Variants in CPT1A observed in about 807,000 individuals in gnomAD.
CPT1A encodes the protein carnitine O-palmitoyltransferase 1, liver isoform.
A neutral mutation model predicts 100.8 loss-of-function variants in CPT1A; 64 were observed. The ratio of observed to expected loss-of-function variants is 0.63; its 90% CI spans 0.52 to 0.78. The LOEUF (loss-of-function observed/expected upper bound fraction) is 0.78, where lower values mean the gene tolerates loss of function less well. Among genes scored for constraint, CPT1A ranks in the 30% least tolerant of loss-of-function variants. The probability of loss-of-function intolerance (pLI) is 0.00; values close to 1 mark genes in which losing one functional copy is unlikely to be tolerated. For missense variants in CPT1A, 802 were observed against 1,034.1 expected (o/e 0.78, Z 3.08); for synonymous variants, 363 against 396.0 (o/e 0.92, Z 0.99).
chr11:68,788,219 A>G (rs911887458), intron 9 of CPT1A, among the ~76,000 whole-genome samples: 3 of 152,186 alleles, frequency 2.0e-5, no homozygotes, highest in African/African-American at 7.2e-5. Flanking sequence ...ACAAAACAAT[A>G]AAAGTGCTTA....
chr11:68,807,227 G>A (rs1425081387), intron 4 of CPT1A, among the ~76,000 whole-genome samples: 3 of 152,028 alleles, frequency 2.0e-5, no homozygotes, highest in African/African-American at 7.2e-5. Context: ...ACTACAAACC[G>A]AGCAGACCTC....
chr11:68,820,278 C>T (rs1366149586), intron 1 of CPT1A, among the ~76,000 whole-genome samples: 1 of 152,094 alleles, frequency 6.6e-6, no homozygotes, highest in Non-Finnish European at 1.5e-5. Flanking sequence ...GTGATCCACC[C>T]ATCTCAGCCT....
chr11:68,804,030 C>T lies in CPT1A; in HGVS notation c.525G>A (p.Pro175=), dbSNP rs371805329. 5.2e-5 allele frequency: 84 copies of T among 1,613,930 alleles called. No homozygotes were observed. Among genetic ancestry groups the T allele is most frequent in the East Asian group, 4.7e-4 (21 of 44,882 alleles). The change falls in exon 5 of 19, where the codon CCG becomes CCA. Residue 175 remains proline (P), a synonymous_variant. Coordinates refer to ENST00000265641, the MANE Select transcript of CPT1A (RefSeq NM_001876.4). ...TCACAGTGTCTTTGACAGCCGGGAC[C>T]GGCAGGCGAGGCAGCGATGTCTGGA... is the stretch of plus-strand genomic sequence containing the variant. ...YSFQTSLPRL[P]VPAVKDTVNR...
At chr11:68,804,968 G>A (rs542058119) in intron 4 of CPT1A, among the ~76,000 whole-genome samples, 100 of 152,198 alleles carry the variant, frequency 6.6e-4, no homozygotes, top group Admixed American at 7.9e-4. Context: ...GGGCCCAGGC[G>A]GGGAGTCTTG....
At position 68,807,454 on chromosome 11, in the gene CPT1A, G is replaced by A; in HGVS notation, c.453+13C>T. Reference sequence around the variant, plus strand: ...TGTCCACCCCCTCCACAGCCAGAGGGACACGCAATTACCATCCAGATCTTG... The same window carrying A: ...TGTCCACCCCCTCCACAGCCAGAGGAACACGCAATTACCATCCAGATCTTG... On this transcript the variant is annotated intron_variant, in intron 4 of 18. Transcript: ENST00000265641. 1 of 1,612,922 alleles carries A rather than the reference G, an allele frequency of 6.2e-7. No individual in the cohort carries two copies. Among genetic ancestry groups the A allele is most frequent in the Non-Finnish European group, 8.5e-7 (1 of 1,179,492 alleles).
At chr11:68,776,378 G>A (rs113300306) in intron 12 of CPT1A, among the ~76,000 whole-genome samples, 8 of 152,148 alleles carry the variant, frequency 5.3e-5, no homozygotes, top group Non-Finnish European at 1.0e-4. Flanking sequence ...CAGCCTGAGC[G>A]ACAGAGCAAG....
intron 1 of CPT1A, chr11:68,839,533 CG>C: frequency 1.0e-6 from 1 of 985,462 alleles, no homozygotes; most frequent in South Asian, 4.7e-5. Flanking sequence ...CCAGCGACAG[CG>C]GGAGAAATGC....
At position 68,779,064 on chromosome 11, in the gene CPT1A, G is replaced by A. The variant is rs186065533; in HGVS notation, c.1458+1576C>T. On this transcript the variant is annotated intron_variant, in intron 12 of 18. Coordinates refer to ENST00000265641, the MANE Select transcript of CPT1A (RefSeq NM_001876.4). The stretch of plus-strand genomic sequence containing the variant: ...CTCCCAAAGGGCTGGGATTACAGGC[G>A]TGAGCCACCGCGCCTGGCCACTACT... 3.9e-3 allele frequency among the ~76,000 whole-genome samples: 597 copies of A among 152,218 alleles called. 2 individuals are homozygous for A. The highest frequency in any genetic ancestry group is 6.5e-3 in the Admixed American group (99 of 15,282).
intron 9 of CPT1A, among the ~76,000 whole-genome samples, chr11:68,793,018 A>C (rs578029827): frequency 1.3e-4 from 20 of 151,536 alleles, no homozygotes; most frequent in African/African-American, 4.6e-4. Context: ...ACTGCACTCC[A>C]GCCTGGGTGG....
upstream of CPT1A, among the ~76,000 whole-genome samples, chr11:68,843,206 G>A (rs2154003473): frequency 6.6e-6 from 1 of 152,222 alleles, no homozygotes; most frequent in Admixed American, 6.5e-5. The surrounding 1 kb of genome is among the most constrained non-coding windows in gnomAD (Gnocchi z 4.0). Flanking sequence ...CAAGCTGTCT[G>A]TAAGGCTGTT....
rs141515543 is a variant in CPT1A at position 68,781,517 on chromosome 11, G to T, written c.1352+254C>A. On this transcript the variant is annotated intron_variant, in intron 11 of 18. Coordinates refer to ENST00000265641, the MANE Select transcript of CPT1A (RefSeq NM_001876.4). ...CGCCTGTAATCCCAGCTACTTGGGA[G>T]GCTGAAGGAGGAGAATCGCTTGAAC... 0.034 allele frequency among the ~76,000 whole-genome samples: 5,159 copies of T among 152,292 alleles called. 153 individuals carry two copies. Among genetic ancestry groups the T allele is most frequent in the Middle Eastern group, 0.13 (39 of 294 alleles).
intron 6 of CPT1A, among the ~76,000 whole-genome samples, chr11:68,797,793 C>T (rs987709064): frequency 2.6e-5 from 4 of 152,158 alleles, no homozygotes; most frequent in Non-Finnish European, 4.4e-5. Context: ...GCCTGGCCAA[C>T]ATGATGAAAC....
Position 68,841,650 on chromosome 11 carries a change from C to T in CPT1A, c.-14+125G>A. ...GGAATACCGGGGTTCCTCTCGGCGC[C>T]CCGGTTCCGGCGGCGTCCCCCACCC... is the stretch of plus-strand genomic sequence containing the variant. On this transcript the variant is annotated intron_variant, in intron 1 of 18. Coordinates refer to ENST00000265641, the MANE Select transcript of CPT1A (RefSeq NM_001876.4). The surrounding 1 kb of genome is among the most constrained non-coding windows in gnomAD (Gnocchi z 6.3). The T allele has an allele frequency of 2.2e-6, 1 of 453,232 alleles. No individual in the cohort carries two copies. Among genetic ancestry groups the T allele is most frequent in the Non-Finnish European group, 2.9e-6 (1 of 342,730 alleles). The allele number at this position is 453,232 out of a possible 1,614,324, so 28.1% of individuals were successfully genotyped here. A position where few individuals can be genotyped will look rare whatever the true frequency, so the allele number is the denominator to read the frequency against.
chr11:68,793,305 C>T lies in CPT1A; in HGVS notation c.967+10G>A, dbSNP rs764374582. The T allele has an allele frequency of 2.5e-6, 4 of 1,604,542 alleles. No homozygotes were observed. Among genetic ancestry groups the T allele is most frequent in the African/African-American group, 1.3e-5 (1 of 74,704 alleles). ...GATTCTCCAGGGGGCCCTGAAGAAG[C>T]TTGACTCACCTGTCTCCTCTCCTGG... On this transcript the variant is annotated intron_variant, in intron 9 of 18. Coordinates refer to ENST00000265641, the MANE Select transcript of CPT1A (RefSeq NM_001876.4).
intron 3 of CPT1A, 64 bp from the exon 4 acceptor site, chr11:68,807,702 C>T (rs1214208596): frequency 4.6e-6 from 7 of 1,530,112 alleles, no homozygotes; most frequent in African/African-American, 2.7e-5. Flanking sequence ...CCAACACCAC[C>T]GGTGACGCCA....
Position 68,773,482 on chromosome 11 carries a change from C to T in CPT1A, c.1576-53G>A, listed in dbSNP as rs17848452. On this transcript the variant is annotated intron_variant, in intron 13 of 18. Transcript: ENST00000265641. ...CGGAACGAGGGGAGAAAAGTACTGA[C>T]GCACACCCAGAAGGAAATTGGAGGC... 1,203 of 1,612,532 alleles carry T rather than the reference C, an allele frequency of 7.5e-4. 14 individuals carry two copies. The East Asian group carries it at 0.022, about 29-fold the overall frequency.
At chr11:68,770,884 C>G (rs1279732003) in intron 14 of CPT1A, among the ~76,000 whole-genome samples, 1 of 152,210 alleles carries the variant, frequency 6.6e-6, no homozygotes, top group East Asian at 1.9e-4. Flanking sequence ...CTCGAACAAG[C>G]CTGCCTGCTT....
chr11:68,801,204 C>A lies in CPT1A; in HGVS notation c.556-1849G>T, dbSNP rs185783883. ...GACAGAAAATCATGCCCTGAATGAG[C>A]TGAAGTGGAACCCCGAGCTACGCAA... On this transcript the variant is annotated intron_variant, in intron 5 of 18. Coordinates refer to ENST00000265641, the MANE Select transcript of CPT1A (RefSeq NM_001876.4). Among the ~76,000 whole-genome samples the A allele has an allele frequency of 2.0e-4, 30 of 152,250 alleles. No individual in the cohort carries two copies. The East Asian group carries it at 4.2e-3, about 22-fold the overall frequency.
intron 17 of CPT1A, 47 bp from the exon 18 acceptor site, chr11:68,759,708 G>A (rs748335432): frequency 1.7e-4 from 227 of 1,339,308 alleles, no homozygotes; most frequent in Non-Finnish European, 2.3e-4. Context: ...ATGAGACAAC[G>A]TGAAAAAGGG....
Sources: gnomAD v4.1 joint callset for allele counts (sites outside exome capture counted in the v4.1 genomes callset) on GRCh38, gnomAD v4.1.1 for gene constraint, Gnocchi (gnomAD v3.1) non-coding constraint, MANE v1.5 for transcripts, NCBI Gene and HGNC (gene_info 2026-07-23, HGNC 2026-07-21) for gene names.